GRID2: variants seen among roughly 807,000 people sequenced by gnomAD.
The protein encoded by GRID2 is glutamate ionotropic receptor delta type subunit 2, also known as glutamate receptor ionotropic, delta-2.
GRID2 carries 33 observed loss-of-function variants against 114.8 expected under a neutral mutation model. The ratio of observed to expected loss-of-function variants is 0.29; its 90% CI spans 0.22 to 0.38. The LOEUF (loss-of-function observed/expected upper bound fraction) is 0.38. Ranked by LOEUF, GRID2 falls within the 10% of genes least tolerant of loss-of-function variation. The probability of loss-of-function intolerance (pLI) is 1.00; values close to 1 mark genes in which losing one functional copy is unlikely to be tolerated. For missense variants in GRID2, 1,184 were observed against 1,257.7 expected (o/e 0.94, Z 0.89); for synonymous variants, 505 against 449.9 (o/e 1.12, Z -1.55).
intron 14 of GRID2, among the ~76,000 whole-genome samples, chr4:93,719,907 C>T (rs894037351): frequency 4.6e-5 from 7 of 152,106 alleles, no homozygotes. Flanking sequence ...TGCTTTTTCC[C>T]TCCTCCATTC....
chr4:92,492,391 A>G (rs1723184771), intron 1 of GRID2, among the ~76,000 whole-genome samples: 2 of 152,166 alleles, frequency 1.3e-5, no homozygotes, highest in Admixed American at 6.5e-5. Context: ...AATGATGTTT[A>G]TTACATGTGT....
At chr4:93,438,314 C>G (rs1280398571) in intron 10 of GRID2, among the ~76,000 whole-genome samples, 1 of 152,080 alleles carries the variant, frequency 6.6e-6, no homozygotes, top group African/African-American at 2.4e-5. Context: ...ATGGCAGCTT[C>G]TGCCTGGGGA....
At chr4:92,564,754 C>G (rs1727255605) in intron 1 of GRID2, among the ~76,000 whole-genome samples, 1 of 151,962 alleles carries the variant, frequency 6.6e-6, no homozygotes, top group Non-Finnish European at 1.5e-5. Context: ...GCAAACATTA[C>G]TTTGTGAAAC....
chr4:93,616,331 G>C (rs1741636963), intron 13 of GRID2, among the ~76,000 whole-genome samples: 1 of 151,660 alleles, frequency 6.6e-6, no homozygotes, highest in African/African-American at 2.4e-5. Flanking sequence ...ATCACTTGAA[G>C]CCAGGAGCTC....
At chr4:93,463,841 T>C (rs1723995980) in intron 11 of GRID2, among the ~76,000 whole-genome samples, 1 of 151,874 alleles carries the variant, frequency 6.6e-6, no homozygotes, top group Admixed American at 6.6e-5. Flanking sequence ...TACAAAAAAT[T>C]AGCCAGGCGT....
chr4:92,553,299 T>G (rs541285602), intron 1 of GRID2, among the ~76,000 whole-genome samples: 1 of 152,292 alleles, frequency 6.6e-6, no homozygotes, highest in East Asian at 1.9e-4. Context: ...TTGAATTTTT[T>G]TGGTGGTATA....
chr4:92,505,150 G>A (rs1303352306), intron 1 of GRID2, among the ~76,000 whole-genome samples: 1 of 151,976 alleles, frequency 6.6e-6, no homozygotes, highest in Non-Finnish European at 1.5e-5. Flanking sequence ...AAAACGCAGT[G>A]TCATTGCCAT....
intron 8 of GRID2, among the ~76,000 whole-genome samples, chr4:93,294,214 AC>A (rs1325198004): frequency 5.4e-5 from 8 of 148,050 alleles, no homozygotes; most frequent in Non-Finnish European, 1.0e-4. Flanking sequence ...CCACAAAAAA[AC>A]GAAAAGATGA....
chr4:93,761,881 T>C (rs1057159280), intron 14 of GRID2, among the ~76,000 whole-genome samples: 2 of 152,268 alleles, frequency 1.3e-5, no homozygotes, highest in East Asian at 3.9e-4. Context: ...TCACAGGAAG[T>C]TGATAGAATT....
chr4:92,866,239 G>C (rs1265077371), intron 2 of GRID2, among the ~76,000 whole-genome samples: 1 of 152,078 alleles, frequency 6.6e-6, no homozygotes, highest in African/African-American at 2.4e-5. Context: ...GACATAGATG[G>C]CCTTACTTGT....
intron 14 of GRID2, among the ~76,000 whole-genome samples, chr4:93,715,593 A>G (rs1290384121): frequency 6.6e-6 from 1 of 152,014 alleles, no homozygotes; most frequent in Non-Finnish European, 1.5e-5. Context: ...TGTTTGTATC[A>G]TCTCTGATTT....
chr4:92,825,277 T>A (rs932997798), intron 2 of GRID2, among the ~76,000 whole-genome samples: 16 of 152,032 alleles, frequency 1.1e-4, no homozygotes, highest in African/African-American at 3.9e-4. Flanking sequence ...AGAAAAAAAT[T>A]CACCTTCCAT....
chr4:93,326,842 TATGTTTC>T (rs1469047521), intron 8 of GRID2, among the ~76,000 whole-genome samples: 7 of 152,202 alleles, frequency 4.6e-5, no homozygotes, highest in Non-Finnish European at 8.8e-5. Flanking sequence ...GAAATCCCTT[TATGTTTC>T]ATCAGGCTCA....
chr4:93,120,446 C>A (rs956268632), intron 4 of GRID2, among the ~76,000 whole-genome samples: 7 of 152,048 alleles, frequency 4.6e-5, no homozygotes, highest in African/African-American at 1.7e-4. Context: ...CCCTTTGCAG[C>A]GAGATGGATG....
chr4:93,116,262 T>C (rs1254572358), intron 4 of GRID2, among the ~76,000 whole-genome samples: 6 of 152,172 alleles, frequency 3.9e-5, no homozygotes, highest in African/African-American at 1.4e-4. Flanking sequence ...TCAGCTTCCA[T>C]GTCCCACAGA....
chr4:93,286,066 A>G (rs1753123144), intron 8 of GRID2, among the ~76,000 whole-genome samples: 1 of 152,150 alleles, frequency 6.6e-6, no homozygotes, highest in South Asian at 2.1e-4. Flanking sequence ...CATGTCAGAA[A>G]AAAACTTTTT....
At chr4:92,996,091 A>G (rs1217807804) in intron 2 of GRID2, among the ~76,000 whole-genome samples, 3 of 151,984 alleles carry the variant, frequency 2.0e-5, no homozygotes, top group African/African-American at 7.2e-5. Flanking sequence ...GGAGTTTGAA[A>G]TCAGCCTGGC....
rs1378568676 is a variant in GRID2, at chr4:93,207,397, A to G, written c.736-7A>G. The G allele has an allele frequency of 1.3e-6, 2 of 1,587,346 alleles. No individual in the cohort carries two copies. The highest frequency in any genetic ancestry group is 2.2e-5 in the East Asian group (1 of 44,550). On this transcript the variant is annotated splice_polypyrimidine_tract_variant and splice_region_variant and intron_variant, in intron 4 of 15. Coordinates refer to ENST00000282020, the MANE Select transcript of GRID2 (RefSeq NM_001510.4). ...TTGACTGATAGCTGATTTGTTTTCT[A>G]TTCTAGGTTGTGGAGACTAATTTGG...
chr4:93,725,254 A>T (rs1012959986), intron 14 of GRID2, among the ~76,000 whole-genome samples: 10 of 151,992 alleles, frequency 6.6e-5, no homozygotes, highest in African/African-American at 2.4e-4. Flanking sequence ...TGTCCTTGCG[A>T]TAGTTTGCTG....
Sources: allele counts gnomAD v4.1 joint callset (sites outside exome capture counted in the v4.1 genomes callset), GRCh38; gene constraint gnomAD v4.1.1; transcripts MANE v1.5; gene names NCBI Gene and HGNC (gene_info 2026-07-23, HGNC 2026-07-21).